The following PDGFD variants were observed in gnomAD, a reference collection of about 807,000 sequenced individuals.
PDGFD encodes the protein platelet-derived growth factor D.
PDGFD carries 30 observed loss-of-function variants against 44.7 expected under a neutral mutation model. That is an observed-to-expected ratio of 0.67 (90% CI 0.50 to 0.91). PDGFD has a LOEUF of 0.91. Among genes scored for constraint, PDGFD ranks in the 40% least tolerant of loss-of-function variants. The pLI is 0.00. For synonymous variants in PDGFD, 173 were observed against 168.4 expected (o/e 1.03, Z -0.21); for missense variants, 445 against 457.8 (o/e 0.97, Z 0.25).
At chr11:103,962,380 G>A (rs1199114360) in intron 3 of PDGFD, among the ~76,000 whole-genome samples, 2 of 152,084 alleles carry the variant, frequency 1.3e-5, no homozygotes, top group Non-Finnish European at 1.5e-5. Context: ...GACCCTTGAG[G>A]TTGGTCAGCA....
intron 1 of PDGFD, among the ~76,000 whole-genome samples, chr11:104,134,756 G>A (rs1209732394): frequency 6.6e-6 from 1 of 152,212 alleles, no homozygotes; most frequent in African/African-American, 2.4e-5. Context: ...AGGGGCTGAA[G>A]CCTACACCTC....
rs540511420 is a variant in PDGFD, at chr11:104,061,667, T to C, written c.125-61412A>G. On this transcript the variant is annotated intron_variant, in intron 1 of 6. Transcript: ENST00000393158. The stretch of plus-strand genomic sequence containing the variant: ...CTCTATTATCCAGGCTGGAGTGCAG[T>C]GGCGTGATCTCAGCTCACTGCAACC... Among the ~76,000 whole-genome samples the C allele has an allele frequency of 2.0e-5, 3 of 152,344 alleles. No individual in the cohort carries two copies. The East Asian group carries it at 5.8e-4, about 29-fold the overall frequency.
At chr11:104,061,648 T>TA (rs1860719232) in intron 1 of PDGFD, among the ~76,000 whole-genome samples, 1 of 152,210 alleles carries the variant, frequency 6.6e-6, no homozygotes, top group African/African-American at 2.4e-5. Flanking sequence ...CTCTCTCTAT[T>TA]ATCCAGGCTG....
chr11:104,075,295 T>A (rs1437647490), intron 1 of PDGFD, among the ~76,000 whole-genome samples: 2 of 152,150 alleles, frequency 1.3e-5, no homozygotes, highest in African/African-American at 4.8e-5. Flanking sequence ...TAATGAACCA[T>A]TAGCTGTATT....
chr11:104,078,570 AT>A (rs955238983), intron 1 of PDGFD, among the ~76,000 whole-genome samples: 1 of 47,634 alleles, frequency 2.1e-5, no homozygotes, highest in African/African-American at 2.6e-4. Context: ...GCCTCCTTAT[AT>A]TTTTTCGGAT....
chr11:104,163,254 A>C lies in PDGFD; in HGVS notation c.124+550T>G, dbSNP rs147195070. Among the ~76,000 whole-genome samples the C allele has an allele frequency of 2.0e-3, 303 of 152,300 alleles. 2 individuals carry two copies. The highest frequency in any genetic ancestry group is 7.0e-3 in the African/African-American group (291 of 41,564). On this transcript the variant is annotated intron_variant, in intron 1 of 6. Coordinates refer to ENST00000393158, the MANE Select transcript of PDGFD (RefSeq NM_025208.5). The stretch of plus-strand genomic sequence containing the variant: ...AAGTCACTTAGGGGACCTAAAGGGC[A>C]ATAGGCTGCACACTGCCATTTCCCG...
intron 3 of PDGFD, among the ~76,000 whole-genome samples, chr11:103,948,033 T>C (rs1353941225): frequency 2.6e-5 from 4 of 152,202 alleles, no homozygotes; most frequent in African/African-American, 9.7e-5. Context: ...CAGTCCTTCC[T>C]TTCCTCAGCT....
At chr11:104,097,940 T>G (rs1384270441) in intron 1 of PDGFD, among the ~76,000 whole-genome samples, 3 of 152,182 alleles carry the variant, frequency 2.0e-5, no homozygotes, top group African/African-American at 7.2e-5. Context: ...TTAAAATGGT[T>G]GTTCTATTAC....
Position 104,016,184 on chromosome 11 carries a change from G to A in PDGFD, c.125-15929C>T, listed in dbSNP as rs921052757. ...AAGGAAAAGGTGTCATCTCTCACAG[G>A]AAGTCAGGAGGTAGATACTTTCAGG... On this transcript the variant is annotated intron_variant, in intron 1 of 6. Coordinates refer to ENST00000393158, the MANE Select transcript of PDGFD (RefSeq NM_025208.5). Among the ~76,000 whole-genome samples, 8 of 152,148 alleles carry A rather than the reference G, an allele frequency of 5.3e-5. No homozygotes were observed. The East Asian group carries it at 7.7e-4, about 15-fold the overall frequency.
intron 1 of PDGFD, among the ~76,000 whole-genome samples, chr11:104,152,185 A>G (rs1862256701): frequency 1.3e-5 from 2 of 152,176 alleles, no homozygotes; most frequent in African/African-American, 4.8e-5. Flanking sequence ...TAAAAACTAT[A>G]AGGCCACAGT....
intron 3 of PDGFD, among the ~76,000 whole-genome samples, chr11:103,966,243 A>G (rs888338421): frequency 9.2e-5 from 14 of 152,168 alleles, no homozygotes; most frequent in African/African-American, 3.4e-4. Context: ...ACTGCATTTA[A>G]TCACAGTGTC....
At chr11:104,048,089 C>T (rs1429314433) in intron 1 of PDGFD, among the ~76,000 whole-genome samples, 1 of 152,054 alleles carries the variant, frequency 6.6e-6, no homozygotes, top group Non-Finnish European at 1.5e-5. Flanking sequence ...CAATGACAAG[C>T]TTTATTTCTC....
At chr11:103,918,908 G>T (rs1263960257) in intron 6 of PDGFD, among the ~76,000 whole-genome samples, 1 of 152,126 alleles carries the variant, frequency 6.6e-6, no homozygotes, top group African/African-American at 2.4e-5. Context: ...TAGGTTATCT[G>T]GTCACCTTTA....
intron 4 of PDGFD, among the ~76,000 whole-genome samples, chr11:103,943,851 G>A (rs145649404): frequency 1.7e-3 from 254 of 152,106 alleles, no homozygotes; most frequent in Non-Finnish European, 2.4e-3. Context: ...GATAACATTC[G>A]CTTTTTTGTA....
chr11:103,966,042 C>T (rs999296463), intron 3 of PDGFD, among the ~76,000 whole-genome samples: 1 of 152,084 alleles, frequency 6.6e-6, no homozygotes, highest in African/African-American at 2.4e-5. Flanking sequence ...TTTCATAACT[C>T]CTTATGTTGT....
At chr11:103,985,751 C>T (rs189113618) in intron 3 of PDGFD, among the ~76,000 whole-genome samples, 39 of 152,218 alleles carry the variant, frequency 2.6e-4, no homozygotes, top group Non-Finnish European at 5.4e-4. Flanking sequence ...AGTGAAGTAT[C>T]TGGACATATT....
intron 1 of PDGFD, among the ~76,000 whole-genome samples, chr11:104,062,254 A>G (rs540530238): frequency 6.6e-6 from 1 of 152,326 alleles, no homozygotes; most frequent in African/African-American, 2.4e-5. Flanking sequence ...GATACCTTCA[A>G]CCAGCATTCC....
chr11:103,925,122 A>G (rs1030686612), intron 6 of PDGFD, among the ~76,000 whole-genome samples: 4 of 152,186 alleles, frequency 2.6e-5, no homozygotes, highest in Admixed American at 6.5e-5. Flanking sequence ...TGTCTCTGCA[A>G]AGGACGTGAA....
intron 1 of PDGFD, among the ~76,000 whole-genome samples, chr11:104,135,405 G>T (rs1176142221): frequency 6.6e-6 from 1 of 152,208 alleles, no homozygotes; most frequent in African/African-American, 2.4e-5. Context: ...GCAGGGAGAA[G>T]AGAGTAGTCC....
Sources: gnomAD v4.1 joint callset for allele counts (sites outside exome capture counted in the v4.1 genomes callset) on GRCh38, gnomAD v4.1.1 for gene constraint, MANE v1.5 for transcripts, NCBI Gene and HGNC (gene_info 2026-07-23, HGNC 2026-07-21) for gene names.